The following MAGI2 variants were observed in gnomAD, a reference collection of about 807,000 sequenced individuals.
MAGI2 encodes membrane-associated guanylate kinase, WW and PDZ domain-containing protein 2.
In MAGI2, 35 loss-of-function variants were observed where a neutral mutation model predicts 133.3. The observed-to-expected ratio is 0.26, with a 90% CI of 0.20 to 0.35. The LOEUF (loss-of-function observed/expected upper bound fraction) is 0.35, where lower values mean the gene tolerates loss of function less well. Among genes scored for constraint, MAGI2 ranks in the 10% least tolerant of loss-of-function variants. The pLI is 1.00. For synonymous variants in MAGI2, 729 were observed against 710.6 expected (o/e 1.03, Z -0.41); for missense variants, 1,636 against 1,863.4 (o/e 0.88, Z 2.25).
At chr7:79,031,457 C>A (rs1409350628) in intron 1 of MAGI2, among the ~76,000 whole-genome samples, 1 of 152,050 alleles carries the variant, frequency 6.6e-6, no homozygotes, top group Non-Finnish European at 1.5e-5. Context: ...AACAGCATAA[C>A]AGTAATAATA....
chr7:78,061,087 C>T (rs1813191337), intron 21 of MAGI2, among the ~76,000 whole-genome samples: 1 of 150,974 alleles, frequency 6.6e-6, no homozygotes, highest in South Asian at 2.1e-4. Context: ...TTGCCTGAAC[C>T]CAGAAGGCAG....
chr7:78,671,211 C>A (rs1173921345), intron 2 of MAGI2, among the ~76,000 whole-genome samples: 1 of 151,486 alleles, frequency 6.6e-6, no homozygotes, highest in Non-Finnish European at 1.5e-5. Flanking sequence ...CTGAACAGCA[C>A]TTTCCAGGCC....
At chr7:78,697,518 C>G (rs1448631927) in intron 2 of MAGI2, among the ~76,000 whole-genome samples, 2 of 152,176 alleles carry the variant, frequency 1.3e-5, no homozygotes, top group Non-Finnish European at 2.9e-5. Context: ...GGATATGCTA[C>G]TAGTATTTAT....
At chr7:78,311,959 C>G (rs559076324) in intron 9 of MAGI2, among the ~76,000 whole-genome samples, 1 of 151,824 alleles carries the variant, frequency 6.6e-6, no homozygotes, top group African/African-American at 2.4e-5. Context: ...TTAGTAGAGA[C>G]GGGGTTTCAC....
intron 2 of MAGI2, among the ~76,000 whole-genome samples, chr7:78,881,846 GA>G (rs1350450518): frequency 1.3e-5 from 2 of 151,346 alleles, no homozygotes; most frequent in African/African-American, 4.9e-5. Flanking sequence ...CAGGAAGTCA[GA>G]AAGATTTCAA....
At chr7:79,162,036 G>T (rs960188771) in intron 1 of MAGI2, among the ~76,000 whole-genome samples, 3 of 151,606 alleles carry the variant, frequency 2.0e-5, no homozygotes, top group African/African-American at 7.3e-5. Context: ...AATTGGTCTT[G>T]CTATAATTTA....
chr7:78,539,140 T>C (rs973191451), intron 3 of MAGI2, among the ~76,000 whole-genome samples: 2 of 152,230 alleles, frequency 1.3e-5, no homozygotes, highest in Non-Finnish European at 2.9e-5. Context: ...CAGAATAACA[T>C]TGGCTGTGGA....
intron 6 of MAGI2, among the ~76,000 whole-genome samples, chr7:78,465,946 A>C (rs1366340407): frequency 6.6e-6 from 1 of 152,146 alleles, no homozygotes; most frequent in African/African-American, 2.4e-5. Context: ...GGGATAGATG[A>C]ATGTTCAGCA....
At chr7:78,312,933 A>T (rs918114085) in intron 9 of MAGI2, among the ~76,000 whole-genome samples, 1 of 150,624 alleles carries the variant, frequency 6.6e-6, no homozygotes, top group African/African-American at 2.4e-5. Context: ...ATATATATAT[A>T]TTTTATATAT....
At chr7:78,151,774 T>C (rs1178983881) in intron 16 of MAGI2, among the ~76,000 whole-genome samples, 1 of 152,212 alleles carries the variant, frequency 6.6e-6, no homozygotes, top group Non-Finnish European at 1.5e-5. Flanking sequence ...AGTGATCCTC[T>C]ACTGCATCGC....
chr7:78,599,141 A>G (rs1804921456), intron 3 of MAGI2, among the ~76,000 whole-genome samples: 2 of 152,224 alleles, frequency 1.3e-5, no homozygotes, highest in Admixed American at 1.3e-4. Flanking sequence ...AATCTGTTCA[A>G]GTAAAAATCA....
At chr7:78,182,347 T>C (rs780480659) in intron 13 of MAGI2, among the ~76,000 whole-genome samples, 7 of 152,226 alleles carry the variant, frequency 4.6e-5, no homozygotes, top group African/African-American at 7.2e-5. Context: ...ACCTAGTAAG[T>C]AGCTAATACT....
intron 10 of MAGI2, among the ~76,000 whole-genome samples, chr7:78,229,857 CTG>C (rs1015566356): frequency 3.3e-5 from 5 of 152,244 alleles, no homozygotes; most frequent in Non-Finnish European, 7.4e-5. Flanking sequence ...CAGATGAAAA[CTG>C]AGACTCCAGA....
At chr7:78,227,485 A>G (rs929946436) in intron 10 of MAGI2, among the ~76,000 whole-genome samples, 3 of 152,220 alleles carry the variant, frequency 2.0e-5, no homozygotes, top group Non-Finnish European at 2.9e-5. Flanking sequence ...GAGCTACTCA[A>G]AGTGGGAAGT....
chr7:78,904,349 A>G (rs930136118), intron 2 of MAGI2, among the ~76,000 whole-genome samples: 11 of 152,314 alleles, frequency 7.2e-5, no homozygotes, highest in African/African-American at 2.6e-4. Flanking sequence ...CAATAATACT[A>G]GTGGTCCTGA....
At chr7:79,358,334 C>T (rs1434470097) in intron 1 of MAGI2, among the ~76,000 whole-genome samples, 2 of 152,070 alleles carry the variant, frequency 1.3e-5, no homozygotes, top group East Asian at 3.9e-4. Context: ...GTCAACTAAT[C>T]TTTCAACATC....
intron 1 of MAGI2, among the ~76,000 whole-genome samples, chr7:79,173,235 C>T (rs2129549098): frequency 6.6e-6 from 1 of 151,878 alleles, no homozygotes; most frequent in African/African-American, 2.4e-5. Context: ...AGAAACATTG[C>T]TAATACTCAG....
chr7:79,366,239 C>CA (rs774938626), intron 1 of MAGI2, among the ~76,000 whole-genome samples: 28 of 151,864 alleles, frequency 1.8e-4, no homozygotes, highest in Admixed American at 3.3e-4. Flanking sequence ...ATCAAAAAAA[C>CA]AAAAAACAAA....
At chr7:78,468,422 A>C (rs1268558950) in intron 6 of MAGI2, among the ~76,000 whole-genome samples, 1 of 152,058 alleles carries the variant, frequency 6.6e-6, no homozygotes, top group Admixed American at 6.6e-5. Context: ...AAATTATTCT[A>C]TGTGTGTATA....
Sources: gnomAD v4.1 joint callset for allele counts (sites outside exome capture counted in the v4.1 genomes callset) on GRCh38, gnomAD v4.1.1 for gene constraint, MANE v1.5 for transcripts, NCBI Gene and HGNC (gene_info 2026-07-23, HGNC 2026-07-21) for gene names.